Variants in CAPN1 observed in about 807,000 individuals in gnomAD.
The protein encoded by CAPN1 is calpain-1 catalytic subunit.
A neutral mutation model predicts 105.2 loss-of-function variants in CAPN1; 77 were observed. The observed-to-expected ratio is 0.73, with a 90% confidence interval of 0.61 to 0.88. CAPN1 has a LOEUF of 0.88. Among genes scored for constraint, CAPN1 ranks in the 40% least tolerant of loss-of-function variants. The probability of loss-of-function intolerance (pLI) is 0.00; values close to 1 mark genes in which losing one functional copy is unlikely to be tolerated. For missense variants in CAPN1, 833 were observed against 976.6 expected, an observed-to-expected ratio of 0.85 and a Z score of 1.96; for synonymous variants, 355 against 388.8, an observed-to-expected ratio of 0.91 and a Z score of 1.02.
Position 65,204,846 on chromosome 11 carries a change from C to T in CAPN1, c.1329C>T (p.Phe443=). ...RFGRDMETIG[F]AVYEVPPELV... is the part of the protein sequence containing the mutation. ...GCCGCGACATGGAGACTATTGGCTT[C>T]GCGGTCTACGAGGTCAGGAGGGTGG... The change falls in exon 11 of 22, where the codon TTC becomes TTT. Residue 443 remains phenylalanine, a synonymous_variant. Coordinates refer to ENST00000279247, the MANE Select transcript of CAPN1 (RefSeq NM_005186.4). The T allele has an allele frequency of 3.1e-6, 5 of 1,608,412 alleles. No homozygotes were observed. The highest frequency in any genetic ancestry group is 3.4e-6 in the Non-Finnish European group (4 of 1,176,568).
chr11:65,190,984 C>T (rs573884831), intron 10 of CAPN1, among the ~76,000 whole-genome samples: 9 of 152,206 alleles, frequency 5.9e-5, no homozygotes, highest in East Asian at 1.9e-4. Flanking sequence ...GGATTACAGG[C>T]GTGAGCCACT....
chr11:65,193,788 C>A (rs1948753373), intron 10 of CAPN1, among the ~76,000 whole-genome samples: 1 of 151,412 alleles, frequency 6.6e-6, no homozygotes, highest in Non-Finnish European at 1.5e-5. Context: ...CAATCCTAGT[C>A]CTCTGTGATC....
At chr11:65,195,331 T>C (rs1171184903) in intron 10 of CAPN1, among the ~76,000 whole-genome samples, 1 of 152,100 alleles carries the variant, frequency 6.6e-6, no homozygotes, top group Non-Finnish European at 1.5e-5. Flanking sequence ...ACCAGCCGTG[T>C]TGGTCAGGCT....
At chr11:65,184,254 C>T (rs574064520) in intron 4 of CAPN1, among the ~76,000 whole-genome samples, 1 of 152,134 alleles carries the variant, frequency 6.6e-6, no homozygotes, top group Non-Finnish European at 1.5e-5. Flanking sequence ...TGTCCTTGCC[C>T]GCCTTGCGCG....
At chr11:65,202,492 G>T (rs543532217) in intron 10 of CAPN1, among the ~76,000 whole-genome samples, 1 of 152,170 alleles carries the variant, frequency 6.6e-6, no homozygotes, top group South Asian at 2.1e-4. Flanking sequence ...ACCCAGGCTG[G>T]AGTGCAGTGG....
rs918506664 is a variant in CAPN1 at position 65,210,988 on chromosome 11, T to C, written c.2118+116T>C. On this transcript the variant is annotated intron_variant, in intron 21 of 21. Transcript: ENST00000279247. The surrounding 1 kb of genome is among the most constrained non-coding windows in gnomAD (Gnocchi z 4.3). The stretch of plus-strand genomic sequence containing the variant: ...TGAGCCTGGGCCTCAGAGCCAACCC[T>C]GAAGCCCGGGCCACCTGAATCCTGA... 8 of 970,840 alleles carry C rather than the reference T, an allele frequency of 8.2e-6. No individual in the cohort carries two copies. The highest frequency in any genetic ancestry group is 1.6e-5 in the African/African-American group (1 of 62,118). The allele number at this position is 970,840 out of a possible 1,614,324, so 60.1% of individuals were successfully genotyped here.
At chr11:65,193,481 T>A (rs1948747389) in intron 10 of CAPN1, among the ~76,000 whole-genome samples, 1 of 151,228 alleles carries the variant, frequency 6.6e-6, no homozygotes, top group Non-Finnish European at 1.5e-5. Context: ...CCGTCTCTAC[T>A]AAAAATACAA....
rs1949050606 is a variant in CAPN1, at chr11:65,211,593, T to C, written c.*307T>C. ...ACAGCCCCGGGTTTCCCCAGCATCC[T>C]GATGTGTCCCCTCTCCCCACTTCAG... On this transcript the variant is annotated 3_prime_UTR_variant, in exon 22 of 22. Coordinates refer to ENST00000279247, the MANE Select transcript of CAPN1 (RefSeq NM_005186.4). 1.5e-5 allele frequency: 8 copies of C among 527,870 alleles called. No homozygotes were observed. The highest frequency in any genetic ancestry group is 2.4e-5 in the Non-Finnish European group (7 of 290,674). 32.7% of individuals were successfully genotyped at this position (527,870 alleles called of 1,614,324 possible). A position where few individuals can be genotyped will look rare whatever the true frequency, so the allele number is the denominator to read the frequency against.
chr11:65,189,492 C>T (rs930822360), intron 10 of CAPN1, among the ~76,000 whole-genome samples: 13 of 152,168 alleles, frequency 8.5e-5, no homozygotes, highest in African/African-American at 2.4e-4. Context: ...TGCAAACACC[C>T]GCTCTCTGAC....
In CAPN1 at chr11:65,188,584, A is replaced by G; in HGVS notation, c.1005-2A>G. 1 of 1,613,876 alleles carries G rather than the reference A, an allele frequency of 6.2e-7. No individual in the cohort carries two copies. Among genetic ancestry groups the G allele is most frequent in the Non-Finnish European group, 8.5e-7 (1 of 1,179,868 alleles). ...GCCTCACCTGTGTACCTCCCACCTC[A>G]GGATGTCATTCCGAGACTTCATGCG... is the stretch of plus-strand genomic sequence containing the variant. On this transcript the variant is annotated splice_acceptor_variant, in intron 9 of 21. Coordinates refer to ENST00000279247, the MANE Select transcript of CAPN1 (RefSeq NM_005186.4). LOFTEE classifies it high-confidence loss of function. The surrounding 1 kb of genome is among the most constrained non-coding windows in gnomAD (Gnocchi z 5.5).
chr11:65,186,452 C>G, intron 6 of CAPN1, 114 bp downstream of exon 6: 1 of 951,674 alleles, frequency 1.1e-6, no homozygotes, highest in South Asian at 1.7e-5. Flanking sequence ...TGCACTTAAG[C>G]TTCATCTCTG....
In CAPN1 at chr11:65,201,916, G is replaced by A. The variant is rs188632957; in HGVS notation, c.1166-2767G>A. ...TGGCTCACTGCAACCTCCACCTCCC[G>A]GGTTCAAGCGATTTTCCTGCCTCAT... On this transcript the variant is annotated intron_variant, in intron 10 of 21. Coordinates refer to ENST00000279247, the MANE Select transcript of CAPN1 (RefSeq NM_005186.4). Among the ~76,000 whole-genome samples the A allele has an allele frequency of 2.2e-3, 337 of 150,488 alleles. 3 individuals carry two copies. Among genetic ancestry groups the A allele is most frequent in the African/African-American group, 7.8e-3 (319 of 40,958 alleles).
intron 10 of CAPN1, among the ~76,000 whole-genome samples, chr11:65,199,989 T>A (rs1948844223): frequency 6.6e-6 from 1 of 152,198 alleles, no homozygotes; most frequent in African/African-American, 2.4e-5. Flanking sequence ...AAAGTTAAAT[T>A]GCTCCGGGGT....
At chr11:65,207,041 G>A (rs1180440416) in intron 14 of CAPN1, among the ~76,000 whole-genome samples, 2 of 152,132 alleles carry the variant, frequency 1.3e-5, no homozygotes, top group African/African-American at 2.4e-5. Flanking sequence ...TCACCCGGTG[G>A]CGGGTTTGTG....
chr11:65,193,850 C>T (rs376779381), intron 10 of CAPN1, among the ~76,000 whole-genome samples: 1 of 151,710 alleles, frequency 6.6e-6, no homozygotes, highest in African/African-American at 2.4e-5. Context: ...TCACTTCAGC[C>T]TCCCAAGTGG....
chr11:65,197,594 A>T (rs1393398131), intron 10 of CAPN1, among the ~76,000 whole-genome samples: 2 of 152,046 alleles, frequency 1.3e-5, no homozygotes, highest in Non-Finnish European at 2.9e-5. Context: ...CAGTTTGAAA[A>T]ATTTTGTCCA....
At chr11:65,196,710 TC>T (rs1255188298) in intron 10 of CAPN1, among the ~76,000 whole-genome samples, 1 of 152,204 alleles carries the variant, frequency 6.6e-6, no homozygotes, top group Non-Finnish European at 1.5e-5. Flanking sequence ...ACCATTATCA[TC>T]TCTTTCCGAT....
intron 4 of CAPN1, among the ~76,000 whole-genome samples, chr11:65,185,670 T>C (rs1948621500): frequency 6.6e-6 from 1 of 150,832 alleles, no homozygotes; most frequent in Non-Finnish European, 1.5e-5. Context: ...AGCATACATG[T>C]ATCTAGAGGT....
intron 14 of CAPN1, among the ~76,000 whole-genome samples, chr11:65,207,727 A>T (rs1948982606): frequency 6.6e-6 from 1 of 151,544 alleles, no homozygotes; most frequent in South Asian, 2.1e-4. Context: ...AGCCTGGCCA[A>T]CATGGCAAAA....
Sources: gnomAD v4.1 joint callset for allele counts (sites outside exome capture counted in the v4.1 genomes callset) on GRCh38, gnomAD v4.1.1 for gene constraint, Gnocchi (gnomAD v3.1) non-coding constraint, MANE v1.5 for transcripts, NCBI Gene and HGNC (gene_info 2026-07-23, HGNC 2026-07-21) for gene names.